DST: variants seen among roughly 807,000 people sequenced by gnomAD.
The protein encoded by DST is bullous pemphigoid antigen.
A neutral mutation model predicts 875.2 loss-of-function variants in DST; 253 were observed. The ratio of observed to expected loss-of-function variants is 0.29; its 90% CI spans 0.26 to 0.32. The LOEUF (loss-of-function observed/expected upper bound fraction) is 0.32, where lower values mean the gene tolerates loss of function less well. Among genes scored for constraint, DST ranks in the 10% least tolerant of loss-of-function variants. DST has a pLI of 1.00. For synonymous variants in DST, 3,124 were observed against 3,197.1 expected, an observed-to-expected ratio of 0.98 and a Z score of 0.77; for missense variants, 8,287 against 9,111.6, an observed-to-expected ratio of 0.91 and a Z score of 3.68.
intron 37 of DST, 45 bp downstream of exon 37, chr6:56,614,311 T>C: frequency 1.3e-6 from 2 of 1,533,794 alleles, no homozygotes; most frequent in Non-Finnish European, 1.8e-6. Context: ...TCAGTTAACG[T>C]CCCTGCTATT....
At position 56,614,576 on chromosome 6, in the gene DST, T is replaced by A. The variant is rs374012947; in HGVS notation, c.4930-92A>T. The A allele has an allele frequency of 3.4e-5, 46 of 1,349,778 alleles. No individual in the cohort carries two copies. The African/African-American group carries it at 5.9e-4, about 17-fold the overall frequency. The allele number at this position is 1,349,778 out of a possible 1,614,324, so 83.6% of individuals were successfully genotyped here. A position where few individuals can be genotyped will look rare whatever the true frequency, so the allele number is the denominator to read the frequency against. On this transcript the variant is annotated intron_variant, in intron 36 of 103. Coordinates refer to ENST00000680361, the MANE Select transcript of DST (RefSeq NM_001374736.1). ...TCCATAGCAAACAAGAATGTAAAAA[T>A]TTTTTTTCATCACACACAGGTTACT...
chr6:56,795,819 A>C (rs2099738884), intron 4 of DST, among the ~76,000 whole-genome samples: 1 of 152,220 alleles, frequency 6.6e-6, no homozygotes, highest in Non-Finnish European at 1.5e-5. Context: ...CAACAGATCA[A>C]TCAGCGCTTT....
intron 2 of DST, among the ~76,000 whole-genome samples, chr6:56,923,971 A>G (rs1805639980): frequency 6.6e-6 from 1 of 152,184 alleles, no homozygotes; most frequent in Non-Finnish European, 1.5e-5. Context: ...TAAAGATACA[A>G]AAATTCACAG....
Position 56,647,710 on chromosome 6 carries a change from G to A in DST, c.1554+860C>T, listed in dbSNP as rs187003612. 1.8e-3 allele frequency among the ~76,000 whole-genome samples: 270 copies of A among 148,268 alleles called. 1 individual carries two copies. Among genetic ancestry groups the A allele is most frequent in the African/African-American group, 6.8e-3 (266 of 39,036 alleles). ...AATGTTTTTTTTTTTTTTTGAGACGGAGTCTTGCTCTCTCGCCCAGGATGG... is the reference window on the plus strand; with the variant it reads ...AATGTTTTTTTTTTTTTTTGAGACGAAGTCTTGCTCTCTCGCCCAGGATGG... On this transcript the variant is annotated intron_variant, in intron 13 of 103. Transcript: ENST00000680361.
intron 4 of DST, among the ~76,000 whole-genome samples, chr6:56,786,417 T>C (rs1436250805): frequency 6.6e-6 from 1 of 152,228 alleles, no homozygotes; most frequent in African/African-American, 2.4e-5. Context: ...ATAATGAGAA[T>C]ACCCTAAGAC....
chr6:56,489,189 C>A (rs2095660187), intron 86 of DST, among the ~76,000 whole-genome samples: 1 of 152,132 alleles, frequency 6.6e-6, no homozygotes, highest in Admixed American at 6.5e-5. Flanking sequence ...AACTGAAATG[C>A]CAATGTTTAA....
intron 49 of DST, among the ~76,000 whole-genome samples, chr6:56,586,727 A>T (rs1213021046): frequency 6.6e-6 from 1 of 152,132 alleles, no homozygotes; most frequent in Non-Finnish European, 1.5e-5. Flanking sequence ...CAGAGGAATG[A>T]TCAGACAGCA....
chr6:56,573,059 C>T lies in DST; in HGVS notation c.13242G>A (p.Leu4414=). 1 of 1,550,618 alleles carries T rather than the reference C, an allele frequency of 6.4e-7. No homozygotes were observed. The highest frequency in any genetic ancestry group is 8.7e-7 in the Non-Finnish European group (1 of 1,151,132). ...TCTGACGACCTGCAATATCCTGTTC[C>T]AACATCTAAAATAAACCAAATATTG... is the stretch of plus-strand genomic sequence containing the variant. ...LQDIISKNIM[L]EQDIAGRQSS... The change falls in exon 52 of 104, where the codon TTG becomes TTA. Residue 4414 remains leucine, a synonymous_variant. Transcript: ENST00000680361.
chr6:56,616,174 A>G lies in DST; in HGVS notation c.4930-1690T>C, dbSNP rs576561235. 38 of 1,614,244 alleles carry G rather than the reference A, an allele frequency of 2.4e-5. No homozygotes were observed. The South Asian group carries it at 3.7e-4, about 16-fold the overall frequency. ...GGACTAACCGGCTCAGCAAAGAATC[A>G]GCAAGTTCTGTAAGTGTGATGAGGC... On this transcript the variant is annotated intron_variant, in intron 36 of 103. Coordinates refer to ENST00000680361, the MANE Select transcript of DST (RefSeq NM_001374736.1).
intron 4 of DST, among the ~76,000 whole-genome samples, chr6:56,771,962 T>C (rs1047452317): frequency 2.6e-5 from 4 of 152,204 alleles, no homozygotes; most frequent in Non-Finnish European, 5.9e-5. Context: ...GCAGAATGAC[T>C]TATATATAAA....
intron 5 of DST, among the ~76,000 whole-genome samples, chr6:56,725,988 A>C (rs2152919483): frequency 6.6e-6 from 1 of 152,322 alleles, no homozygotes; most frequent in South Asian, 2.1e-4. Context: ...TAAGCAAACA[A>C]CAGCATCAGA....
At chr6:56,515,311 T>C in intron 72 of DST, 139 bp downstream of exon 72, 2 of 921,344 alleles carry the variant, frequency 2.2e-6, no homozygotes, top group Non-Finnish European at 3.2e-6. Flanking sequence ...AATTATGAGG[T>C]AAGCAAATTA....
chr6:56,482,201 A>G (rs181113749), intron 89 of DST, 23 bp from the exon 90 acceptor site: 2 of 1,587,924 alleles, frequency 1.3e-6, no homozygotes. Flanking sequence ...ACACACACAC[A>G]CCCCAAACAA....
chr6:56,926,927 A>C (rs1807494468), intron 2 of DST, among the ~76,000 whole-genome samples: 1 of 152,252 alleles, frequency 6.6e-6, no homozygotes, highest in African/African-American at 2.4e-5. Flanking sequence ...AATTCTATGA[A>C]AATGCAAATA....
Position 56,561,449 on chromosome 6 carries a change from G to C in DST, c.14169C>G (p.Leu4723=). The change falls in exon 57 of 104, where the codon CTC becomes CTG. Residue 4723 remains leucine (L), a synonymous_variant. Coordinates refer to ENST00000680361, the MANE Select transcript of DST (RefSeq NM_001374736.1). ...CTTCCTGAGCCTTTTGCAATTTGGA[G>C]AGTTTAGTGTTCAGTTCCGCTATTT... ...KDKIAELNTK[L]SKLQKAQEES... is the part of the protein sequence containing the mutation. 1 of 1,613,876 alleles carries C rather than the reference G, an allele frequency of 6.2e-7. No homozygotes were observed. The highest frequency in any genetic ancestry group is 8.5e-7 in the Non-Finnish European group (1 of 1,179,812).
intron 2 of DST, among the ~76,000 whole-genome samples, chr6:56,925,384 T>G (rs1310750662): frequency 2.0e-5 from 3 of 152,246 alleles, no homozygotes; most frequent in Non-Finnish European, 4.4e-5. Flanking sequence ...TTTTCTCACC[T>G]AGACCCTATG....
Position 56,477,378 on chromosome 6 carries a change from G to C in DST, c.21642C>G (p.His7214Gln). 1 of 1,613,974 alleles carries C rather than the reference G, an allele frequency of 6.2e-7. No individual in the cohort carries two copies. The highest frequency in any genetic ancestry group is 8.5e-7 in the Non-Finnish European group (1 of 1,179,880). ...ACCTCGCCCGGATGATTGTTATCCA[G>C]TGCTTAATGGTAGTGATGGAGTCGG... ...CHPDSITTIK[H>Q]WITIIRARFE... The change falls in exon 91 of 104, where the codon CAC (histidine) becomes CAG (glutamine). Residue 7214 changes from histidine (H) to glutamine (Q), a missense_variant. By Grantham distance (24) the His-to-Gln change is conservative. Coordinates refer to ENST00000680361, the MANE Select transcript of DST (RefSeq NM_001374736.1).
At chr6:56,763,957 A>G (rs776128158) in intron 4 of DST, among the ~76,000 whole-genome samples, 3 of 152,128 alleles carry the variant, frequency 2.0e-5, no homozygotes, top group Admixed American at 6.5e-5. Flanking sequence ...CTATAAATAT[A>G]CAGATTAATA....
At position 56,463,552 on chromosome 6, in the gene DST, T is replaced by C. The variant is rs1482114803; in HGVS notation, c.22959+13A>G. ...TGCAAAGGTGGAGGAAAAGTCTTCA[T>C]CCTGAGTCTTACCTTGGGTGTGGTG... On this transcript the variant is annotated intron_variant, in intron 101 of 103. Coordinates refer to ENST00000680361, the MANE Select transcript of DST (RefSeq NM_001374736.1). 4 of 1,552,744 alleles carry C rather than the reference T, an allele frequency of 2.6e-6. No homozygotes were observed. The Admixed American group carries it at 7.8e-5, about 30-fold the overall frequency.
Sources: gnomAD v4.1 joint callset for allele counts (sites outside exome capture counted in the v4.1 genomes callset) on GRCh38, gnomAD v4.1.1 for gene constraint, MANE v1.5 for transcripts, NCBI Gene and HGNC (gene_info 2026-07-23, HGNC 2026-07-21) for gene names.